CSMD1: variants seen among roughly 807,000 people sequenced by gnomAD.
CSMD1 encodes CUB and sushi domain-containing protein 1.
A neutral mutation model predicts 417.5 loss-of-function variants in CSMD1; 213 were observed. The ratio of observed to expected loss-of-function variants is 0.51; its 90% CI spans 0.46 to 0.57. The LOEUF is 0.57. Among genes scored for constraint, CSMD1 ranks in the 20% least tolerant of loss-of-function variants. The pLI, the probability that CSMD1 is intolerant of heterozygous loss-of-function variation, is 0.00. For synonymous variants in CSMD1, 2,862 were observed against 1,736.8 expected (o/e 1.65, Z -16.11); for missense variants, 6,923 against 4,529.7 (o/e 1.53, Z -15.17).
chr8:3,959,120 C>T (rs771672572), intron 5 of CSMD1, among the ~76,000 whole-genome samples: 1 of 152,172 alleles, frequency 6.6e-6, no homozygotes, highest in Non-Finnish European at 1.5e-5. Context: ...ACTTTTATAT[C>T]GCACACCAGT....
chr8:3,557,874 T>A (rs142336078), intron 10 of CSMD1, among the ~76,000 whole-genome samples: 203 of 152,296 alleles, frequency 1.3e-3, no homozygotes, highest in African/African-American at 4.6e-3. Flanking sequence ...ATGCCATTGG[T>A]TCAGCATTTG....
rs140199061 is a variant in CSMD1 at position 4,600,376 on chromosome 8, T to C, written c.302+36966A>G. ...TAATAAACGGTGAAGTTTAAAGATA[T>C]AGCTATTAAGACCAATATGAAAGCA... is the stretch of plus-strand genomic sequence containing the variant. On this transcript the variant is annotated intron_variant, in intron 2 of 69. Coordinates refer to ENST00000635120, the MANE Select transcript of CSMD1 (RefSeq NM_033225.6). Among the ~76,000 whole-genome samples, 61 of 152,310 alleles carry C rather than the reference T, an allele frequency of 4.0e-4. 1 individual carries two copies. In the East Asian group the frequency reaches 9.1e-3, roughly 23 times the overall value.
chr8:4,147,309 G>T (rs896313026), intron 3 of CSMD1, among the ~76,000 whole-genome samples: 1 of 152,074 alleles, frequency 6.6e-6, no homozygotes, highest in African/African-American at 2.4e-5. Context: ...CGGGGAAGGG[G>T]AAGCCTTCTG....
intron 3 of CSMD1, among the ~76,000 whole-genome samples, chr8:4,087,719 C>A (rs1800492958): frequency 6.6e-6 from 1 of 152,172 alleles, no homozygotes; most frequent in Non-Finnish European, 1.5e-5. Context: ...CCCACACTCT[C>A]AACCGCACCC....
At chr8:4,299,575 A>T (rs62478598) in intron 3 of CSMD1, among the ~76,000 whole-genome samples, 36,700 of 152,186 alleles carry the variant, frequency 0.24, 5,357 homozygotes, top group Non-Finnish European at 0.32. Flanking sequence ...TAAAGTCTAC[A>T]TTCAGAAATA....
chr8:3,569,851 G>T (rs374601925), intron 10 of CSMD1, among the ~76,000 whole-genome samples: 1 of 151,936 alleles, frequency 6.6e-6, no homozygotes, highest in Admixed American at 6.6e-5. Flanking sequence ...TGGTTGTGCG[G>T]GTATGTCAAC....
Position 4,356,707 on chromosome 8 carries a change from T to C in CSMD1, c.415+63246A>G, listed in dbSNP as rs889299171. Reference sequence around the variant, plus strand: ...TCCATGTGTTTTGTCCTTCTCACCGTGCTCTCCAATGGAGAGGTACAGTGA... The same window carrying C: ...TCCATGTGTTTTGTCCTTCTCACCGCGCTCTCCAATGGAGAGGTACAGTGA... On this transcript the variant is annotated intron_variant, in intron 3 of 69. Coordinates refer to ENST00000635120, the MANE Select transcript of CSMD1 (RefSeq NM_033225.6). Among the ~76,000 whole-genome samples, 80 of 152,270 alleles carry C rather than the reference T, an allele frequency of 5.3e-4. 1 individual carries two copies. The highest frequency in any genetic ancestry group is 1.8e-3 in the African/African-American group (74 of 41,560).
At chr8:3,664,201 G>A (rs1798564222) in intron 7 of CSMD1, among the ~76,000 whole-genome samples, 2 of 152,040 alleles carry the variant, frequency 1.3e-5, no homozygotes, top group Admixed American at 6.6e-5. Flanking sequence ...CCCCACTACA[G>A]GCCCCTGTGT....
At chr8:4,887,123 T>A (rs1012621301) in intron 1 of CSMD1, among the ~76,000 whole-genome samples, 2 of 152,074 alleles carry the variant, frequency 1.3e-5, no homozygotes, top group South Asian at 4.1e-4. Flanking sequence ...GCTATAAATA[T>A]TCATCTAAGC....
At chr8:3,984,560 A>T (rs1724297192) in intron 5 of CSMD1, among the ~76,000 whole-genome samples, 1 of 151,576 alleles carries the variant, frequency 6.6e-6, no homozygotes, top group Non-Finnish European at 1.5e-5. Flanking sequence ...ATTAAAAAAT[A>T]TATATATAGC....
chr8:4,395,420 A>G (rs570035420), intron 3 of CSMD1, among the ~76,000 whole-genome samples: 2 of 140,560 alleles, frequency 1.4e-5, no homozygotes, highest in South Asian at 4.2e-4. Flanking sequence ...AAAGAATCAT[A>G]AAAAAAACAA....
At chr8:3,234,517 G>A (rs1397168906) in intron 26 of CSMD1, among the ~76,000 whole-genome samples, 3 of 151,470 alleles carry the variant, frequency 2.0e-5, no homozygotes, top group African/African-American at 4.9e-5. Flanking sequence ...TTGGGTTTCG[G>A]AGTAGGTTTT....
intron 1 of CSMD1, among the ~76,000 whole-genome samples, chr8:4,860,316 A>G (rs1349415025): frequency 6.6e-6 from 1 of 150,986 alleles, no homozygotes; most frequent in Non-Finnish European, 1.5e-5. Context: ...ATGCTAGATG[A>G]CATGTTAGTG....
chr8:4,017,039 G>A (rs1219877425), intron 4 of CSMD1, among the ~76,000 whole-genome samples: 1 of 152,162 alleles, frequency 6.6e-6, no homozygotes, highest in African/African-American at 2.4e-5. Context: ...ACATCATAAA[G>A]GAACAAAAGC....
intron 5 of CSMD1, among the ~76,000 whole-genome samples, chr8:3,916,171 A>T (rs1302747722): frequency 6.6e-6 from 1 of 152,126 alleles, no homozygotes; most frequent in Non-Finnish European, 1.5e-5. Context: ...ACTTCAAGAA[A>T]TTGAAGACAA....
intron 5 of CSMD1, among the ~76,000 whole-genome samples, chr8:3,865,858 G>T (rs773287567): frequency 6.6e-6 from 1 of 152,070 alleles, no homozygotes; most frequent in Non-Finnish European, 1.5e-5. Flanking sequence ...GGAAACACGT[G>T]TTATAGTATA....
intron 2 of CSMD1, among the ~76,000 whole-genome samples, chr8:4,506,571 C>T (rs560518195): frequency 1.3e-5 from 2 of 152,194 alleles, no homozygotes; most frequent in Non-Finnish European, 2.9e-5. Context: ...AAATATTACA[C>T]GGAGAGGAAG....
intron 1 of CSMD1, among the ~76,000 whole-genome samples, chr8:4,720,121 A>T (rs999809257): frequency 3.3e-5 from 5 of 151,304 alleles, no homozygotes; most frequent in Non-Finnish European, 7.4e-5. Context: ...TGTGGTTTGG[A>T]GTTTTTGTAT....
intron 2 of CSMD1, among the ~76,000 whole-genome samples, chr8:4,458,204 G>A (rs1181100284): frequency 6.6e-6 from 1 of 152,066 alleles, no homozygotes; most frequent in Non-Finnish European, 1.5e-5. Context: ...TAATCACCTT[G>A]TAAAGAAATA....
Sources: allele counts gnomAD v4.1 joint callset (sites outside exome capture counted in the v4.1 genomes callset), GRCh38; gene constraint gnomAD v4.1.1; transcripts MANE v1.5; gene names NCBI Gene and HGNC (gene_info 2026-07-23, HGNC 2026-07-21).